TCAIM: variants seen among roughly 807,000 people sequenced by gnomAD.
The protein encoded by TCAIM is T cell activation inhibitor, mitochondrial, also known as T-cell activation inhibitor, mitochondrial.
A neutral mutation model predicts 58.6 loss-of-function variants in TCAIM; 36 were observed. That is an observed-to-expected ratio of 0.61 (90% confidence interval 0.47 to 0.81). The LOEUF (loss-of-function observed/expected upper bound fraction) is 0.81, where lower values mean the gene tolerates loss of function less well. Ranked by LOEUF, TCAIM falls within the 30% of genes least tolerant of loss-of-function variation. The pLI is 0.00. For missense variants in TCAIM, 466 were observed against 579.6 expected, an observed-to-expected ratio of 0.80 and a Z score of 2.01; for synonymous variants, 172 against 193.6, an observed-to-expected ratio of 0.89 and a Z score of 0.93.
chr3:44,352,637 C>T (rs950219289), intron 1 of TCAIM, among the ~76,000 whole-genome samples: 3 of 152,156 alleles, frequency 2.0e-5, no homozygotes, highest in African/African-American at 4.8e-5. Flanking sequence ...ATCCTTATCA[C>T]CCAAAGTCCA....
At chr3:44,383,285 A>G (rs746480878) in intron 5 of TCAIM, among the ~76,000 whole-genome samples, 7 of 152,238 alleles carry the variant, frequency 4.6e-5, no homozygotes, top group African/African-American at 9.6e-5. Flanking sequence ...CAATAGCCAA[A>G]AGGTGGAAGC....
intron 5 of TCAIM, among the ~76,000 whole-genome samples, chr3:44,392,354 G>T (rs1701851530): frequency 6.6e-6 from 1 of 152,056 alleles, no homozygotes; most frequent in South Asian, 2.1e-4. Context: ...TTAGGTTCGG[G>T]TTACATGTGT....
intron 8 of TCAIM, 112 bp from the exon 9 acceptor site, chr3:44,400,243 T>A (rs1702000222): frequency 2.4e-6 from 2 of 838,728 alleles, no homozygotes; most frequent in Non-Finnish European, 3.6e-6. Flanking sequence ...TTTCCTTCAA[T>A]GAAAATCATT....
At chr3:44,377,226 T>C (rs967672822) in intron 5 of TCAIM, among the ~76,000 whole-genome samples, 3 of 152,140 alleles carry the variant, frequency 2.0e-5, no homozygotes, top group Non-Finnish European at 4.4e-5. Flanking sequence ...AAGAGAGTTA[T>C]ACTAATATGA....
chr3:44,366,763 G>T (rs59576247), intron 4 of TCAIM, among the ~76,000 whole-genome samples: 22,373 of 151,506 alleles, frequency 0.15, 1,685 homozygotes, highest in Admixed American at 0.17. Flanking sequence ...ACCGCGCCCG[G>T]CCTAATTTTT....
intron 3 of TCAIM, chr3:44,358,395 C>A: frequency 1.6e-6 from 1 of 633,176 alleles, no homozygotes; most frequent in Non-Finnish European, 2.7e-6. Flanking sequence ...AAAATACAGT[C>A]AGTCCTTCAT....
intron 1 of TCAIM, among the ~76,000 whole-genome samples, chr3:44,343,172 C>G (rs1700890539): frequency 1.3e-5 from 2 of 151,760 alleles, no homozygotes. Context: ...GGTGTTACAA[C>G]AGACTTTTCT....
rs1166912416 is a variant in TCAIM at position 44,367,482 on chromosome 3, C to T, written c.346C>T (p.His116Tyr). The change falls in exon 5 of 11, where the codon CAC (histidine) becomes TAC (tyrosine). Residue 116 changes from histidine (H) to tyrosine (Y), a missense_variant. His to Tyr is a moderately conservative substitution (Grantham distance 83, BLOSUM62 2). Transcript: ENST00000342649. ...SGFRAVKFTLHTRDLLSTVLY... is the reference protein window; with the variant it reads ...SGFRAVKFTLYTRDLLSTVLY... Reference sequence around the variant, plus strand: ...ATTTCGAGCAGTCAAATTTACTTTGCACACCAGAGATCTGCTAAGCACAGT... The same window carrying T: ...ATTTCGAGCAGTCAAATTTACTTTGTACACCAGAGATCTGCTAAGCACAGT... The T allele has an allele frequency of 1.2e-6, 2 of 1,610,938 alleles. No homozygotes were observed. Among genetic ancestry groups the T allele is most frequent in the Non-Finnish European group, 1.7e-6 (2 of 1,177,966 alleles).
chr3:44,365,849 C>G (rs142919022), intron 4 of TCAIM, among the ~76,000 whole-genome samples: 21 of 152,092 alleles, frequency 1.4e-4, no homozygotes, highest in African/African-American at 4.3e-4. Context: ...TTTAAATTGC[C>G]ACATGTGCTA....
intron 4 of TCAIM, chr3:44,362,712 G>A (rs1239406693): frequency 2.7e-5 from 8 of 295,314 alleles, no homozygotes; most frequent in Non-Finnish European, 4.9e-5. Context: ...GAAGAATGCT[G>A]TAAATAATGA....
chr3:44,360,815 G>A (rs756562108), intron 3 of TCAIM, among the ~76,000 whole-genome samples: 48 of 151,942 alleles, frequency 3.2e-4, no homozygotes, highest in Admixed American at 1.6e-3. Context: ...CATGCTGCCC[G>A]GGCTGTTCTC....
chr3:44,396,584 A>T, intron 7 of TCAIM, 87 bp downstream of exon 7: 1 of 1,454,260 alleles, frequency 6.9e-7, no homozygotes. Context: ...TAACTTTATC[A>T]CAGCTGAACT....
chr3:44,382,378 A>G (rs1406787081), intron 5 of TCAIM, among the ~76,000 whole-genome samples: 1 of 152,200 alleles, frequency 6.6e-6, no homozygotes, highest in Non-Finnish European at 1.5e-5. Context: ...TGAGACCCCA[A>G]TCTCTATAAA....
chr3:44,375,798 A>T (rs1306446003), intron 5 of TCAIM, among the ~76,000 whole-genome samples: 1 of 152,256 alleles, frequency 6.6e-6, no homozygotes, highest in Admixed American at 6.5e-5. Context: ...ACAAAATATT[A>T]AACAGAGTTA....
At chr3:44,395,869 C>G (rs528977547) in intron 6 of TCAIM, among the ~76,000 whole-genome samples, 1 of 152,300 alleles carries the variant, frequency 6.6e-6, no homozygotes, top group East Asian at 1.9e-4. Flanking sequence ...TGCCTTTAGT[C>G]CCAGCTACTC....
At chr3:44,378,966 C>G (rs1216939984) in intron 5 of TCAIM, among the ~76,000 whole-genome samples, 1 of 151,876 alleles carries the variant, frequency 6.6e-6, no homozygotes, top group South Asian at 2.1e-4. Flanking sequence ...TAAGACCACC[C>G]TGGGCAACAT....
chr3:44,361,446 A>G lies in TCAIM; in HGVS notation c.247A>G (p.Thr83Ala). The stretch of plus-strand genomic sequence containing the variant: ...ACCAGGCTTCAAGTCTTTGAAACCA[A>G]CTCAGCTTACATTTTATGTAAGAGA... Reference protein sequence around the residue: ...QKPGFKSLKPTQLTFYVRETD... With the variant: ...QKPGFKSLKPAQLTFYVRETD... The change falls in exon 4 of 11, where the codon ACT becomes GCT. Residue 83 changes from threonine (T) to alanine (A), a missense_variant. Physicochemically the swap from Thr to Ala is moderately conservative, Grantham distance 58. Transcript: ENST00000342649. 2 of 1,613,084 alleles carry G rather than the reference A, an allele frequency of 1.2e-6. No homozygotes were observed. Among genetic ancestry groups the G allele is most frequent in the Non-Finnish European group, 1.7e-6 (2 of 1,179,558 alleles).
chr3:44,370,730 ATTTCTTTC>A (rs978992005), intron 5 of TCAIM, among the ~76,000 whole-genome samples: 1 of 140,894 alleles, frequency 7.1e-6, no homozygotes, highest in African/African-American at 2.6e-5. Context: ...TTCTTTTTTA[ATTTCTTTC>A]TTTCTTTCTT....
intron 6 of TCAIM, among the ~76,000 whole-genome samples, chr3:44,395,787 C>A (rs1379796146): frequency 6.6e-6 from 1 of 152,204 alleles, no homozygotes; most frequent in Non-Finnish European, 1.5e-5. Flanking sequence ...GTGTTGAAGA[C>A]CAGCCTAAGC....
Sources: allele counts gnomAD v4.1 joint callset (sites outside exome capture counted in the v4.1 genomes callset), GRCh38; gene constraint gnomAD v4.1.1; transcripts MANE v1.5; gene names NCBI Gene and HGNC (gene_info 2026-07-23, HGNC 2026-07-21).